The following OTUD7A variants were observed in gnomAD, a reference collection of about 807,000 sequenced individuals.
OTUD7A encodes OTU domain-containing protein 7A.
A neutral mutation model predicts 65.7 loss-of-function variants in OTUD7A; 12 were observed. The observed-to-expected ratio is 0.18, with a 90% CI of 0.12 to 0.30. OTUD7A has a LOEUF of 0.30. Ranked by LOEUF, OTUD7A falls within the 10% of genes least tolerant of loss-of-function variation. The pLI is 1.00. For synonymous variants in OTUD7A, 641 were observed against 586.3 expected (o/e 1.09, Z -1.35); for missense variants, 1,148 against 1,304.8 (o/e 0.88, Z 1.85).
At chr15:31,854,215 C>T (rs910297247) in intron 1 of OTUD7A, among the ~76,000 whole-genome samples, 2 of 152,130 alleles carry the variant, frequency 1.3e-5, no homozygotes, top group African/African-American at 4.8e-5. Flanking sequence ...GGCTTATGGA[C>T]CCCTTCCAGG....
At chr15:31,530,463 C>T (rs897942960) in intron 6 of OTUD7A, among the ~76,000 whole-genome samples, 5 of 152,230 alleles carry the variant, frequency 3.3e-5, no homozygotes, top group Non-Finnish European at 7.3e-5. Flanking sequence ...TGCAGCTATG[C>T]TCAAGGCCTC....
chr15:31,527,992 C>T (rs2042036643), intron 6 of OTUD7A, among the ~76,000 whole-genome samples: 1 of 152,226 alleles, frequency 6.6e-6, no homozygotes, highest in South Asian at 2.1e-4. Flanking sequence ...GCTCTGGCTA[C>T]AAGGGAAAAC....
At position 31,760,953 on chromosome 15, in the gene OTUD7A, T is replaced by C. The variant is rs750922162; in HGVS notation, c.-99-103876A>G. Reference sequence around the variant, plus strand: ...GTTTTTTTGTTTTTTTAACAAATAATGGTCGGGCAACTTAGTATCCACAAG... The same window carrying C: ...GTTTTTTTGTTTTTTTAACAAATAACGGTCGGGCAACTTAGTATCCACAAG... On this transcript the variant is annotated intron_variant, in intron 1 of 12. Coordinates refer to ENST00000307050, the MANE Select transcript of OTUD7A (RefSeq NM_001382637.1). Among the ~76,000 whole-genome samples the C allele has an allele frequency of 1.4e-3, 209 of 152,258 alleles. 1 individual carries two copies. The highest frequency in any genetic ancestry group is 1.9e-3 in the Admixed American group (29 of 15,292).
At chr15:31,776,560 T>C (rs1362143313) in intron 1 of OTUD7A, among the ~76,000 whole-genome samples, 3 of 152,170 alleles carry the variant, frequency 2.0e-5, no homozygotes, top group Non-Finnish European at 4.4e-5. Context: ...CAGCCTCAGG[T>C]ATGTGGGGAC....
At chr15:31,503,343 C>T (rs2041501934) in intron 9 of OTUD7A, among the ~76,000 whole-genome samples, 1 of 152,196 alleles carries the variant, frequency 6.6e-6, no homozygotes, top group Non-Finnish European at 1.5e-5. Flanking sequence ...TGGGAACACA[C>T]CTGAGTGACT....
chr15:31,721,249 T>C (rs1045857928), intron 1 of OTUD7A, among the ~76,000 whole-genome samples: 9 of 152,266 alleles, frequency 5.9e-5, no homozygotes, highest in Non-Finnish European at 8.8e-5. Flanking sequence ...TGTGTGTACA[T>C]GAATGCTTGT....
intron 1 of OTUD7A, among the ~76,000 whole-genome samples, chr15:31,783,375 T>G (rs1333226407): frequency 6.6e-6 from 1 of 152,210 alleles, no homozygotes; most frequent in African/African-American, 2.4e-5. Context: ...GATCATTCAA[T>G]GATCATTCTA....
At chr15:31,690,320 A>AT (rs1892933720) in intron 1 of OTUD7A, among the ~76,000 whole-genome samples, 1 of 152,120 alleles carries the variant, frequency 6.6e-6, no homozygotes, top group Non-Finnish European at 1.5e-5. Flanking sequence ...AATAATTTGC[A>AT]TATCTCTCAT....
intron 10 of OTUD7A, among the ~76,000 whole-genome samples, chr15:31,495,959 G>A (rs931300509): frequency 4.6e-5 from 7 of 151,606 alleles, no homozygotes; most frequent in African/African-American, 1.5e-4. Context: ...CCACCTACTC[G>A]GGAGGCTGAG....
intron 5 of OTUD7A, among the ~76,000 whole-genome samples, chr15:31,545,700 A>G (rs1191098689): frequency 6.6e-6 from 1 of 152,158 alleles, no homozygotes; most frequent in Non-Finnish European, 1.5e-5. Context: ...CTGTGTGGAT[A>G]CTCCTACACT....
At chr15:31,518,661 T>TA (rs2041896243) in intron 8 of OTUD7A, among the ~76,000 whole-genome samples, 1 of 152,226 alleles carries the variant, frequency 6.6e-6, no homozygotes, top group Non-Finnish European at 1.5e-5. Context: ...GGATGGTCCT[T>TA]ACTCCTTTTC....
At chr15:31,569,933 C>T in intron 4 of OTUD7A, 85 bp downstream of exon 4, 1 of 1,473,246 alleles carries the variant, frequency 6.8e-7, no homozygotes, top group Non-Finnish European at 9.3e-7. Context: ...GATGACCCCA[C>T]CATTCTTTGT....
At chr15:31,863,246 T>C (rs1290901909) in intron 1 of OTUD7A, among the ~76,000 whole-genome samples, 1 of 152,126 alleles carries the variant, frequency 6.6e-6, no homozygotes, top group East Asian at 1.9e-4. Flanking sequence ...CGGTGCAAAG[T>C]GTTGGTGGAT....
intron 1 of OTUD7A, among the ~76,000 whole-genome samples, chr15:31,772,227 G>T (rs1407630119): frequency 6.7e-6 from 1 of 148,660 alleles, no homozygotes; most frequent in Admixed American, 6.7e-5. Context: ...ACTCCAGCCT[G>T]GGCGACAGAG....
intron 1 of OTUD7A, chr15:31,766,840 A>G (rs1380191465): frequency 6.2e-6 from 10 of 1,611,858 alleles, no homozygotes; most frequent in South Asian, 1.1e-5. Context: ...TTGTCCTTCT[A>G]TGTTCGGAAA....
At chr15:31,591,946 T>C (rs1324471864) in intron 3 of OTUD7A, among the ~76,000 whole-genome samples, 1 of 152,132 alleles carries the variant, frequency 6.6e-6, no homozygotes. Flanking sequence ...CTGTACTGAA[T>C]ACTGTAGGCA....
chr15:31,794,488 A>T (rs1352186386), intron 1 of OTUD7A, among the ~76,000 whole-genome samples: 2 of 149,286 alleles, frequency 1.3e-5, no homozygotes, highest in Non-Finnish European at 1.5e-5. Context: ...AGTACCAAGC[A>T]TCAAAGGTAT....
At chr15:31,680,288 T>C (rs1892682980) in intron 1 of OTUD7A, among the ~76,000 whole-genome samples, 1 of 152,178 alleles carries the variant, frequency 6.6e-6, no homozygotes, top group African/African-American at 2.4e-5. Flanking sequence ...TGTACAATTC[T>C]GCCATTCAGT....
chr15:31,808,559 G>C lies in OTUD7A; in HGVS notation c.-100+61948C>G, dbSNP rs75539679. ...CGGGGTCACTCTCCACATTTACCTA[G>C]GACCTTGTTTCACATATTTAGAAGT... On this transcript the variant is annotated intron_variant, in intron 1 of 12. Transcript: ENST00000307050. 4.6e-3 allele frequency among the ~76,000 whole-genome samples: 701 copies of C among 152,266 alleles called. 10 individuals are homozygous for C. Among genetic ancestry groups the C allele is most frequent in the African/African-American group, 0.016 (676 of 41,542 alleles).
Sources: allele counts gnomAD v4.1 joint callset (sites outside exome capture counted in the v4.1 genomes callset), GRCh38; gene constraint gnomAD v4.1.1; transcripts MANE v1.5; gene names NCBI Gene and HGNC (gene_info 2026-07-23, HGNC 2026-07-21).